The following GAP43 variants were observed in gnomAD, a reference collection of about 807,000 sequenced individuals.
GAP43 encodes the protein growth associated protein 43.
A neutral mutation model predicts 18.6 loss-of-function variants in GAP43; 6 were observed. The observed-to-expected ratio is 0.32, with a 90% CI of 0.18 to 0.64. The LOEUF (loss-of-function observed/expected upper bound fraction) is 0.64. GAP43 is among the 30% of genes least tolerant of loss of function. The pLI is 0.78. For missense variants in GAP43, 292 were observed against 295.5 expected (o/e 0.99, Z 0.09); for synonymous variants, 115 against 111.4 (o/e 1.03, Z -0.20).
chr3:115,668,979 G>C (rs984014102), intron 1 of GAP43, among the ~76,000 whole-genome samples: 2 of 151,678 alleles, frequency 1.3e-5, no homozygotes, highest in Admixed American at 1.3e-4. Flanking sequence ...GGAGGTCAAG[G>C]CTGCAGCAGT....
chr3:115,668,430 A>T (rs1353866665), intron 1 of GAP43, among the ~76,000 whole-genome samples: 3 of 151,976 alleles, frequency 2.0e-5, no homozygotes, highest in Non-Finnish European at 4.4e-5. Flanking sequence ...CACCACTTTT[A>T]TTTATTTATT....
At chr3:115,679,561 G>A (rs1188320621) in intron 2 of GAP43, among the ~76,000 whole-genome samples, 2 of 152,116 alleles carry the variant, frequency 1.3e-5, no homozygotes, top group Non-Finnish European at 2.9e-5. Context: ...AACATCTGTG[G>A]GACACTGCCC....
intron 2 of GAP43, among the ~76,000 whole-genome samples, chr3:115,704,776 C>T (rs1225246020): frequency 5.9e-5 from 9 of 152,002 alleles, no homozygotes; most frequent in African/African-American, 1.7e-4. Context: ...AATGGAGGAT[C>T]GCTGAATTCT....
intron 2 of GAP43, among the ~76,000 whole-genome samples, chr3:115,711,520 C>A (rs898247416): frequency 6.6e-6 from 1 of 151,936 alleles, no homozygotes; most frequent in Middle Eastern, 3.2e-3. Context: ...CACCCCCCTA[C>A]AGAAAGGAGG....
intron 1 of GAP43, among the ~76,000 whole-genome samples, chr3:115,651,549 T>A (rs1708518545): frequency 6.6e-6 from 1 of 152,204 alleles, no homozygotes; most frequent in Non-Finnish European, 1.5e-5. Context: ...AGTTCATATG[T>A]ACATTTCTAT....
intron 1 of GAP43, among the ~76,000 whole-genome samples, chr3:115,641,510 T>TCTCACACACACACA (rs1553720341): frequency 1.9e-5 from 2 of 106,958 alleles, no homozygotes; most frequent in African/African-American, 7.2e-5. Context: ...ATATATATAT[T>TCTCACACACACACA]CACACACACA....
rs34867539 is a variant in GAP43, at chr3:115,721,227, CCTCTCT to C, written c.*358_*363del. On this transcript the variant is annotated 3_prime_UTR_variant, in exon 3 of 3. Coordinates refer to ENST00000305124, the MANE Select transcript of GAP43 (RefSeq NM_002045.4). ...GTGTGGCCCTGTGGGAGTCCACTTT[CCTCTCT>C]CTCTCTCTCTCTGTTCCAAGTGTGT... is the stretch of plus-strand genomic sequence containing the variant. 1.9e-5 allele frequency: 3 copies of C among 154,716 alleles called. No individual in the cohort carries two copies. The highest frequency in any genetic ancestry group is 6.4e-5 in the Admixed American group (1 of 15,530). The allele number at this position is 154,716 out of a possible 1,614,324, so 9.6% of individuals were successfully genotyped here.
intron 1 of GAP43, among the ~76,000 whole-genome samples, chr3:115,660,426 C>G (rs1233319533): frequency 6.6e-6 from 1 of 152,172 alleles, no homozygotes; most frequent in Non-Finnish European, 1.5e-5. Context: ...TTCAAACTTA[C>G]ACTTTGAATG....
chr3:115,639,642 A>C (rs1576978723), intron 1 of GAP43, among the ~76,000 whole-genome samples: 1 of 152,044 alleles, frequency 6.6e-6, no homozygotes, highest in South Asian at 2.1e-4. Context: ...TTATGGGGGA[A>C]GTATCCATCT....
At chr3:115,686,929 T>C (rs1709042635) in intron 2 of GAP43, among the ~76,000 whole-genome samples, 1 of 152,176 alleles carries the variant, frequency 6.6e-6, no homozygotes, top group Admixed American at 6.5e-5. Context: ...TGAAACAATG[T>C]CTTCACAGAG....
chr3:115,642,578 G>C (rs1708410247), intron 1 of GAP43, among the ~76,000 whole-genome samples: 1 of 151,902 alleles, frequency 6.6e-6, no homozygotes, highest in African/African-American at 2.4e-5. Flanking sequence ...CCCAGTATAG[G>C]CTTACACTAA....
At chr3:115,709,385 G>C (rs1709405860) in intron 2 of GAP43, among the ~76,000 whole-genome samples, 1 of 152,248 alleles carries the variant, frequency 6.6e-6, no homozygotes, top group South Asian at 2.1e-4. Flanking sequence ...AGGCAATTGA[G>C]TTTGCAAAGG....
intron 2 of GAP43, among the ~76,000 whole-genome samples, chr3:115,716,785 G>C (rs1709514336): frequency 7.5e-6 from 1 of 133,934 alleles, no homozygotes; most frequent in Non-Finnish European, 1.6e-5. Flanking sequence ...GAGAGAGAGA[G>C]AGAGAGTTTT....
intron 2 of GAP43, among the ~76,000 whole-genome samples, chr3:115,694,517 T>C (rs376129500): frequency 2.6e-4 from 40 of 152,340 alleles, no homozygotes; most frequent in African/African-American, 8.9e-4. Context: ...CATTTACTTA[T>C]CTTGTGCCAG....
intron 2 of GAP43, among the ~76,000 whole-genome samples, chr3:115,685,721 G>A (rs1024906141): frequency 1.3e-5 from 2 of 152,220 alleles, no homozygotes; most frequent in African/African-American, 2.4e-5. Context: ...AAAGGGCTAA[G>A]AAAGCGCAGA....
chr3:115,623,781 G>T, intron 1 of GAP43, 62 bp downstream of exon 1: 1 of 1,589,548 alleles, frequency 6.3e-7, no homozygotes, highest in South Asian at 1.1e-5. Context: ...GTATTTCCCC[G>T]TAAAGGCAAA....
At chr3:115,702,430 A>T (rs1242709166) in intron 2 of GAP43, among the ~76,000 whole-genome samples, 2 of 152,062 alleles carry the variant, frequency 1.3e-5, no homozygotes, top group Non-Finnish European at 2.9e-5. Context: ...AAAAAACTAG[A>T]CCCAGAATGG....
rs869219452 is a variant in GAP43, at chr3:115,683,147, G to GCACACA, written c.628+6573_628+6578dup. On this transcript the variant is annotated intron_variant, in intron 2 of 2. Transcript: ENST00000305124. ...TGTGCGCGCGCGTGCGCGCGCGCGCGCACACACACACACACACACACACAC... is the reference window on the plus strand; with the variant it reads ...TGTGCGCGCGCGTGCGCGCGCGCGCGCACACACACACACACACACACACACACACAC... Among the ~76,000 whole-genome samples, 404 of 127,368 alleles carry GCACACA rather than the reference G, an allele frequency of 3.2e-3. 2 individuals are homozygous for GCACACA. The highest frequency in any genetic ancestry group is 6.3e-3 in the African/African-American group (208 of 33,088). 83.6% of individuals were successfully genotyped at this position (127,368 alleles called of 152,430 possible).
At chr3:115,693,658 G>A (rs1013644610) in intron 2 of GAP43, among the ~76,000 whole-genome samples, 10 of 152,004 alleles carry the variant, frequency 6.6e-5, no homozygotes, top group Non-Finnish European at 1.3e-4. Context: ...TCTGCTAGAG[G>A]TGAAAAAACA....
Sources: allele counts gnomAD v4.1 joint callset (sites outside exome capture counted in the v4.1 genomes callset), GRCh38; gene constraint gnomAD v4.1.1; transcripts MANE v1.5; gene names NCBI Gene and HGNC (gene_info 2026-07-23, HGNC 2026-07-21).